The following GLCCI1 variants were observed in gnomAD, a reference collection of about 807,000 sequenced individuals.
GLCCI1 encodes glucocorticoid-induced transcript 1 protein.
In GLCCI1, 24 loss-of-function variants were observed where a neutral mutation model predicts 52.2. That is an observed-to-expected ratio of 0.46 (90% CI 0.33 to 0.65). The LOEUF (loss-of-function observed/expected upper bound fraction) is 0.65, where lower values mean the gene tolerates loss of function less well. Among genes scored for constraint, GLCCI1 ranks in the 30% least tolerant of loss-of-function variants. The pLI, the probability that GLCCI1 is intolerant of heterozygous loss-of-function variation, is 0.02. For synonymous variants in GLCCI1, 310 were observed against 276.5 expected (o/e 1.12, Z -1.20); for missense variants, 704 against 701.5 (o/e 1.00, Z -0.04).
intron 3 of GLCCI1, among the ~76,000 whole-genome samples, chr7:8,028,019 T>A (rs1781659851): frequency 6.6e-6 from 1 of 152,208 alleles, no homozygotes; most frequent in African/African-American, 2.4e-5. Context: ...AGCTGGAGAC[T>A]TCAACACCCT....
chr7:8,023,724 G>A (rs1251737441), intron 3 of GLCCI1, among the ~76,000 whole-genome samples: 2 of 147,544 alleles, frequency 1.4e-5, no homozygotes, highest in African/African-American at 5.0e-5. Flanking sequence ...TCAGCCACCC[G>A]AGTAGCTGGG....
chr7:8,026,225 T>A (rs1159430230), intron 3 of GLCCI1, among the ~76,000 whole-genome samples: 1 of 152,090 alleles, frequency 6.6e-6, no homozygotes, highest in East Asian at 1.9e-4. Flanking sequence ...TTATAATCCC[T>A]AGAGCAGTTG....
intron 2 of GLCCI1, among the ~76,000 whole-genome samples, chr7:8,013,373 AT>A (rs35637039): frequency 0.022 from 3,335 of 152,196 alleles, 58 homozygotes; most frequent in East Asian, 0.089. Context: ...AGATATTGTT[AT>A]ATCATAAATT....
At chr7:7,974,894 A>G (rs1468352580) in intron 1 of GLCCI1, among the ~76,000 whole-genome samples, 1 of 152,150 alleles carries the variant, frequency 6.6e-6, no homozygotes, top group Non-Finnish European at 1.5e-5. Flanking sequence ...TATATAATTT[A>G]TTCTTTTATT....
intron 1 of GLCCI1, among the ~76,000 whole-genome samples, chr7:8,003,219 C>T (rs575582082): frequency 3.3e-5 from 5 of 151,968 alleles, no homozygotes; most frequent in East Asian, 3.9e-4. Context: ...AGAAGGAAGG[C>T]GAGAGGAAAG....
intron 1 of GLCCI1, among the ~76,000 whole-genome samples, chr7:7,977,910 G>T (rs567673606): frequency 2.6e-5 from 4 of 152,322 alleles, no homozygotes; most frequent in African/African-American, 9.6e-5. Flanking sequence ...CTTCAAGATA[G>T]CTGAAAGTTG....
rs145078761 is a variant in GLCCI1, at chr7:8,026,669, T to A, written c.696+4100T>A. Among the ~76,000 whole-genome samples, 6 of 152,298 alleles carry A rather than the reference T, an allele frequency of 3.9e-5. No homozygotes were observed. The East Asian group carries it at 1.2e-3, about 29-fold the overall frequency. On this transcript the variant is annotated intron_variant, in intron 3 of 7. Transcript: ENST00000223145. The stretch of plus-strand genomic sequence containing the variant: ...TTACACTGAACTCAGTACTGCCATA[T>A]CACAGTGAAGAATAAAGCCATGCTG...
chr7:8,085,772 G>A (rs1007467224), intron 7 of GLCCI1, among the ~76,000 whole-genome samples: 2 of 152,068 alleles, frequency 1.3e-5, no homozygotes, highest in Non-Finnish European at 2.9e-5. Flanking sequence ...CTGTGCTAGC[G>A]GAAGTCTATC....
chr7:8,048,681 G>T (rs77672302), intron 3 of GLCCI1, among the ~76,000 whole-genome samples: 1 of 152,104 alleles, frequency 6.6e-6, no homozygotes, highest in Non-Finnish European at 1.5e-5. Context: ...AAGGTAACCT[G>T]TTACTCTTTC....
intron 1 of GLCCI1, among the ~76,000 whole-genome samples, chr7:7,970,987 G>A (rs1425134731): frequency 6.6e-6 from 1 of 152,016 alleles, no homozygotes; most frequent in African/African-American, 2.4e-5. Flanking sequence ...GGAGAAAGTG[G>A]TTGTCTGCAT....
intron 3 of GLCCI1, among the ~76,000 whole-genome samples, chr7:8,038,103 A>C (rs1781908903): frequency 6.6e-6 from 1 of 152,212 alleles, no homozygotes; most frequent in African/African-American, 2.4e-5. Context: ...TCATTAGTGC[A>C]TGGAACAGAA....
intron 5 of GLCCI1, among the ~76,000 whole-genome samples, chr7:8,061,249 G>A (rs1040327797): frequency 2.0e-5 from 3 of 151,700 alleles, no homozygotes; most frequent in Non-Finnish European, 4.4e-5. Flanking sequence ...ACAGGTGCCC[G>A]CCACCACACC....
At chr7:7,977,590 A>G (rs150153275) in intron 1 of GLCCI1, among the ~76,000 whole-genome samples, 164 of 152,266 alleles carry the variant, frequency 1.1e-3, no homozygotes, top group African/African-American at 3.8e-3. Flanking sequence ...CATTTGTCTT[A>G]TGACAAGCCA....
intron 1 of GLCCI1, among the ~76,000 whole-genome samples, chr7:7,990,732 T>G (rs951488978): frequency 1.3e-5 from 2 of 152,112 alleles, no homozygotes; most frequent in Non-Finnish European, 2.9e-5. Context: ...AAGCACTCAA[T>G]TTTGGATAAG....
At chr7:8,005,223 A>G (rs957509846) in intron 2 of GLCCI1, among the ~76,000 whole-genome samples, 16 of 152,202 alleles carry the variant, frequency 1.1e-4, no homozygotes, top group Non-Finnish European at 2.1e-4. Flanking sequence ...ATTCACAAAT[A>G]TGATAAAATG....
chr7:8,008,181 T>C (rs1356882696), intron 2 of GLCCI1, among the ~76,000 whole-genome samples: 1 of 152,184 alleles, frequency 6.6e-6, no homozygotes, highest in South Asian at 2.1e-4. Flanking sequence ...TGAAGTTGTT[T>C]CTTGTAACTG....
At chr7:8,069,091 T>G (rs563062018) in intron 5 of GLCCI1, among the ~76,000 whole-genome samples, 4 of 152,228 alleles carry the variant, frequency 2.6e-5, no homozygotes, top group Admixed American at 2.6e-4. Flanking sequence ...GATCTTGGCT[T>G]GGCACTCCCA....
chr7:8,006,665 C>T (rs1781156631), intron 2 of GLCCI1, among the ~76,000 whole-genome samples: 1 of 152,084 alleles, frequency 6.6e-6, no homozygotes. Flanking sequence ...ACATTTTGTC[C>T]TCCCCCCACT....
intron 2 of GLCCI1, among the ~76,000 whole-genome samples, chr7:8,019,497 A>G (rs770051948): frequency 5.9e-5 from 9 of 152,178 alleles, no homozygotes; most frequent in African/African-American, 1.9e-4. Flanking sequence ...TATGCATTCT[A>G]TAGTTACATG....
Sources: allele counts gnomAD v4.1 joint callset (sites outside exome capture counted in the v4.1 genomes callset), GRCh38; gene constraint gnomAD v4.1.1; transcripts MANE v1.5; gene names NCBI Gene and HGNC (gene_info 2026-07-23, HGNC 2026-07-21).